CNNM4: variants seen among roughly 807,000 people sequenced by gnomAD.
CNNM4 encodes the protein metal transporter CNNM4.
In CNNM4, 32 loss-of-function variants were observed where a neutral mutation model predicts 53.7. The observed-to-expected ratio is 0.60, with a 90% CI of 0.45 to 0.80. CNNM4 has a LOEUF of 0.80. Among genes scored for constraint, CNNM4 ranks in the 30% least tolerant of loss-of-function variants. The pLI is 0.00. For missense variants in CNNM4, 784 were observed against 1,022.0 expected, an observed-to-expected ratio of 0.77 and a Z score of 3.17; for synonymous variants, 410 against 440.0, an observed-to-expected ratio of 0.93 and a Z score of 0.85.
intron 1 of CNNM4, among the ~76,000 whole-genome samples, chr2:96,785,711 G>A (rs566531639): frequency 1.2e-4 from 19 of 152,210 alleles, no homozygotes; most frequent in Non-Finnish European, 2.5e-4. Flanking sequence ...GGCTGAGGTG[G>A]GAGGATTATT....
At chr2:96,765,208 C>A (rs1176220809) in intron 1 of CNNM4, among the ~76,000 whole-genome samples, 1 of 149,382 alleles carries the variant, frequency 6.7e-6, no homozygotes, top group Admixed American at 6.7e-5. Flanking sequence ...CTCGCTGCAA[C>A]CTCTACCTCC....
intron 4 of CNNM4, 22 bp from the exon 5 acceptor site, chr2:96,799,530 C>T (rs1261316919): frequency 5.2e-6 from 8 of 1,548,390 alleles, no homozygotes; most frequent in South Asian, 2.4e-5. Context: ...TGGTCTCTAA[C>T]TCCAGCCCTG....
chr2:96,798,102 G>A (rs991423896), intron 3 of CNNM4, among the ~76,000 whole-genome samples: 1 of 152,040 alleles, frequency 6.6e-6, no homozygotes, highest in Non-Finnish European at 1.5e-5. Context: ...TGGGACAGTT[G>A]CATGTCTGTG....
intron 1 of CNNM4, among the ~76,000 whole-genome samples, chr2:96,791,740 T>C (rs1355435774): frequency 6.6e-6 from 1 of 152,184 alleles, no homozygotes; most frequent in Non-Finnish European, 1.5e-5. Context: ...AAATTGCTGA[T>C]ATTCAATTAT....
chr2:96,791,346 C>G (rs62152782), intron 1 of CNNM4, among the ~76,000 whole-genome samples: 33 of 151,166 alleles, frequency 2.2e-4, no homozygotes, highest in African/African-American at 8.0e-4. Flanking sequence ...TTGGGGGTGG[C>G]ATCGGCTGGG....
intron 1 of CNNM4, among the ~76,000 whole-genome samples, chr2:96,773,294 G>C (rs1437897771): frequency 6.6e-6 from 1 of 152,214 alleles, no homozygotes. Context: ...CTCATGGTGA[G>C]GACTAAGTGA....
Position 96,761,302 on chromosome 2 carries a change from C to A in CNNM4, c.303C>A (p.Thr101=). ...ISFTEVDDAE[T]LHKSTSCLEL... ...TCACCGAGGTGGACGATGCCGAGAC[C>A]CTCCACAAGTCCACCAGCTGCCTCG... is the stretch of plus-strand genomic sequence containing the variant. The change falls in exon 1 of 7, where the codon ACC becomes ACA. Residue 101 remains threonine, a synonymous_variant. Transcript: ENST00000377075. This position sits in a 1 kb window ranked among gnomAD's most constrained non-coding sequence, Gnocchi z 6.0. 1 of 1,614,008 alleles carries A rather than the reference C, an allele frequency of 6.2e-7. No individual in the cohort carries two copies. Among genetic ancestry groups the A allele is most frequent in the East Asian group, 2.2e-5 (1 of 44,890 alleles).
At chr2:96,791,244 A>G (rs543495722) in intron 1 of CNNM4, among the ~76,000 whole-genome samples, 1 of 152,210 alleles carries the variant, frequency 6.6e-6, no homozygotes, top group East Asian at 1.9e-4. Context: ...CTGGGATTTC[A>G]GGTGTAAGCC....
At chr2:96,779,945 G>A (rs2078959365) in intron 1 of CNNM4, among the ~76,000 whole-genome samples, 1 of 152,076 alleles carries the variant, frequency 6.6e-6, no homozygotes. Context: ...TGGGGCTACA[G>A]GCACGTGCCA....
At chr2:96,765,024 G>GAT (rs2078801708) in intron 1 of CNNM4, among the ~76,000 whole-genome samples, 17 of 41,560 alleles carry the variant, frequency 4.1e-4, no homozygotes, top group African/African-American at 1.5e-3. Flanking sequence ...GTTGGGAATG[G>GAT]TTTTTTTTTT....
At position 96,800,932 on chromosome 2, in the gene CNNM4, C is replaced by CAG. The variant is rs563194271; in HGVS notation, c.1948+1287_1948+1288dup. 1.1e-3 allele frequency: 209 copies of CAG among 187,378 alleles called. No individual in the cohort carries two copies. Among genetic ancestry groups the CAG allele is most frequent in the African/African-American group, 4.9e-3 (207 of 42,158 alleles). The allele number at this position is 187,378 out of a possible 1,614,324, so 11.6% of individuals were successfully genotyped here. A position where few individuals can be genotyped will look rare whatever the true frequency, so the allele number is the denominator to read the frequency against. ...GCTGTGCCCTGAGCACCCTTCCCAG[C>CAG]AGAGCCATGTCCCTTTCTCCACTGG... On this transcript the variant is annotated intron_variant, in intron 5 of 6. Transcript: ENST00000377075. The surrounding 1 kb of genome is among the most constrained non-coding windows in gnomAD (Gnocchi z 4.6).
At chr2:96,788,674 C>A (rs1175196116) in intron 1 of CNNM4, 2 of 152,372 alleles carry the variant, frequency 1.3e-5, no homozygotes, top group Non-Finnish European at 2.9e-5. Context: ...AGGTGTGGAC[C>A]CAGGGCCCAA....
intron 1 of CNNM4, among the ~76,000 whole-genome samples, chr2:96,771,762 A>G (rs2078872073): frequency 6.6e-6 from 1 of 152,092 alleles, no homozygotes; most frequent in Non-Finnish European, 1.5e-5. Flanking sequence ...GCTTTTTGGA[A>G]CACAGTTTAG....
chr2:96,761,373 G>A lies in CNNM4; in HGVS notation c.374G>A (p.Arg125His). 1.2e-6 allele frequency: 2 copies of A among 1,614,068 alleles called. No individual in the cohort carries two copies. Among genetic ancestry groups the A allele is most frequent in the Non-Finnish European group, 1.7e-6 (2 of 1,180,038 alleles). The part of the protein sequence containing the change: ...LVVQQLVNVS[R>H]GNTSGVLVVL... ...GTCCAGCAGCTGGTCAACGTGAGCC[G>A]CGGGAACACGTCCGGCGTGCTGGTG... Residue 125 changes from arginine to histidine, a missense_variant, in exon 1 of 7, where the codon CGC (arginine) becomes CAC (histidine). Physicochemically the swap from Arg to His is conservative, Grantham distance 29. Coordinates refer to ENST00000377075, the MANE Select transcript of CNNM4 (RefSeq NM_020184.4). This position sits in a 1 kb window ranked among gnomAD's most constrained non-coding sequence, Gnocchi z 6.0.
chr2:96,806,149 CCGGA>C (rs1478601053), intron 5 of CNNM4, among the ~76,000 whole-genome samples: 13 of 151,562 alleles, frequency 8.6e-5, no homozygotes, highest in African/African-American at 3.2e-4. Context: ...CACCGCCCTC[CCGGA>C]CGGGGCGGCT....
In CNNM4 at chr2:96,762,100, A is replaced by G; in HGVS notation, c.1101A>G (p.Glu367=). Residue 367 remains glutamate (E), a synonymous_variant, in exon 1 of 7, where the codon GAA becomes GAG. Coordinates refer to ENST00000377075, the MANE Select transcript of CNNM4 (RefSeq NM_020184.4). ...EELNMIQGAL[E]LRTKTVEDIM... The stretch of plus-strand genomic sequence containing the variant: ...TCAATATGATCCAGGGTGCCCTGGA[A>G]CTACGGACCAAAACTGTAGAGGATA... 4.3e-6 allele frequency: 7 copies of G among 1,614,140 alleles called. No homozygotes were observed. Among genetic ancestry groups the G allele is most frequent in the Non-Finnish European group, 5.9e-6 (7 of 1,180,022 alleles).
In CNNM4 at chr2:96,762,397, G is replaced by T. The variant is rs935167628; in HGVS notation, c.1398G>T (p.Lys466Asn). ...TKLDAMLEEFKKGKSHLAIVQ... is the reference protein window; with the variant it reads ...TKLDAMLEEFNKGKSHLAIVQ... ...TGGATGCCATGCTGGAGGAGTTCAA[G>T]AAGGGTAAGGCCAGATGTAGTTCCC... Residue 466 changes from lysine (K) to asparagine (N), a missense_variant, in exon 1 of 7, where the codon AAG (lysine) becomes AAT (asparagine). Lys to Asn is a moderately conservative substitution (Grantham distance 94). Transcript: ENST00000377075. 3 of 1,613,948 alleles carry T rather than the reference G, an allele frequency of 1.9e-6. No individual in the cohort carries two copies. The highest frequency in any genetic ancestry group is 1.3e-5 in the African/African-American group (1 of 74,906).
intron 1 of CNNM4, among the ~76,000 whole-genome samples, chr2:96,790,766 T>C (rs1181245634): frequency 1.3e-5 from 2 of 150,502 alleles, no homozygotes; most frequent in Admixed American, 1.3e-4. Context: ...GATGGATCAC[T>C]TGAGGTTGGG....
At chr2:96,772,861 A>C (rs556235395) in intron 1 of CNNM4, among the ~76,000 whole-genome samples, 2 of 132,442 alleles carry the variant, frequency 1.5e-5, no homozygotes, top group Non-Finnish European at 3.1e-5. Flanking sequence ...TCACACACCC[A>C]CACTCATACT....
Sources: allele counts gnomAD v4.1 joint callset (sites outside exome capture counted in the v4.1 genomes callset), GRCh38; gene constraint gnomAD v4.1.1; non-coding constraint Gnocchi (gnomAD v3.1); transcripts MANE v1.5; gene names NCBI Gene and HGNC (gene_info 2026-07-23, HGNC 2026-07-21).